AGBL4: variants seen among roughly 807,000 people sequenced by gnomAD.
AGBL4 encodes AGBL carboxypeptidase 4.
In AGBL4, 58 loss-of-function variants were observed where a neutral mutation model predicts 66.4. The ratio of observed to expected loss-of-function variants is 0.87; its 90% CI spans 0.71 to 1.09. The LOEUF is 1.09. Among genes scored for constraint, AGBL4 ranks in the 50% least tolerant of loss-of-function variants. The pLI, the probability that AGBL4 is intolerant of heterozygous loss-of-function variation, is 0.00. For missense variants in AGBL4, 579 were observed against 631.0 expected, an observed-to-expected ratio of 0.92 and a Z score of 0.88; for synonymous variants, 234 against 222.9, an observed-to-expected ratio of 1.05 and a Z score of -0.44.
chr1:49,274,840 A>G (rs1644136326), intron 3 of AGBL4, among the ~76,000 whole-genome samples: 1 of 152,154 alleles, frequency 6.6e-6, no homozygotes, highest in Non-Finnish European at 1.5e-5. Context: ...AAGGACTCAA[A>G]TGATTTTTAT....
chr1:49,731,891 GATTTGA>G (rs1649483294), intron 2 of AGBL4, among the ~76,000 whole-genome samples: 1 of 152,122 alleles, frequency 6.6e-6, no homozygotes, highest in Admixed American at 6.6e-5. Flanking sequence ...ATCAGAGAAG[GATTTGA>G]ATTTGAAAAC....
At chr1:49,302,205 A>G (rs151127810) in intron 3 of AGBL4, among the ~76,000 whole-genome samples, 1 of 151,556 alleles carries the variant, frequency 6.6e-6, no homozygotes, top group Admixed American at 6.6e-5. Flanking sequence ...TAAAAAAAAA[A>G]CTCTTGAAAT....
chr1:49,385,035 T>C (rs912141689), intron 3 of AGBL4, among the ~76,000 whole-genome samples: 6 of 152,214 alleles, frequency 3.9e-5, no homozygotes, highest in African/African-American at 9.6e-5. Flanking sequence ...GACATTCCGT[T>C]AAGTGAAATA....
chr1:49,878,573 C>G lies in AGBL4; in HGVS notation c.35-27055G>C, dbSNP rs1168414203. On this transcript the variant is annotated intron_variant, in intron 1 of 13. Transcript: ENST00000371839. ...TTTACATTTGCTGAGGAGTGCTTTACCTCCAACTATGTGGTCAATTTTGGA... is the reference window on the plus strand; with the variant it reads ...TTTACATTTGCTGAGGAGTGCTTTAGCTCCAACTATGTGGTCAATTTTGGA... 2.0e-5 allele frequency among the ~76,000 whole-genome samples: 3 copies of G among 152,016 alleles called. No homozygotes were observed. In the East Asian group the frequency reaches 5.8e-4, roughly 29 times the overall value.
At chr1:48,595,440 CT>C (rs954678754) in intron 9 of AGBL4, among the ~76,000 whole-genome samples, 2 of 152,204 alleles carry the variant, frequency 1.3e-5, no homozygotes, top group African/African-American at 4.8e-5. Flanking sequence ...AAACCAGGTA[CT>C]TTTCTGTGGC....
At chr1:48,879,341 C>CAATGAA (rs1649536749) in intron 5 of AGBL4, among the ~76,000 whole-genome samples, 3 of 151,932 alleles carry the variant, frequency 2.0e-5, no homozygotes, top group African/African-American at 7.3e-5. Flanking sequence ...AAGTAGCACG[C>CAATGAA]AATGAAAAAG....
chr1:48,567,135 A>G (rs899408710), intron 11 of AGBL4, among the ~76,000 whole-genome samples: 6 of 152,132 alleles, frequency 3.9e-5, no homozygotes, highest in Admixed American at 6.6e-5. Context: ...TTGTTTTCTA[A>G]TGTATATAAT....
chr1:49,493,827 G>T (rs1647288907), intron 3 of AGBL4, among the ~76,000 whole-genome samples: 1 of 151,964 alleles, frequency 6.6e-6, no homozygotes, highest in Non-Finnish European at 1.5e-5. Context: ...GTTCTCTCTA[G>T]TAAGTAAATA....
chr1:48,777,349 T>C (rs1051174006), intron 6 of AGBL4, among the ~76,000 whole-genome samples: 31 of 152,172 alleles, frequency 2.0e-4, no homozygotes, highest in African/African-American at 6.7e-4. Flanking sequence ...GGGGGCAATC[T>C]TGATTGAATC....
At chr1:49,008,841 C>A (rs1662105670) in intron 5 of AGBL4, among the ~76,000 whole-genome samples, 1 of 151,778 alleles carries the variant, frequency 6.6e-6, no homozygotes. Context: ...AGAACAAAGA[C>A]ACAACATACC....
intron 4 of AGBL4, among the ~76,000 whole-genome samples, chr1:49,187,015 T>G (rs1010212430): frequency 6.6e-6 from 1 of 152,180 alleles, no homozygotes; most frequent in Non-Finnish European, 1.5e-5. Context: ...CCAAATTTCT[T>G]TGGCATAGAT....
chr1:49,143,929 A>G (rs1230618611), intron 4 of AGBL4, among the ~76,000 whole-genome samples: 9 of 152,168 alleles, frequency 5.9e-5, no homozygotes, highest in South Asian at 2.1e-4. Flanking sequence ...AATAGCCCCA[A>G]TGCTATTGAG....
chr1:48,586,958 C>T lies in AGBL4; in HGVS notation c.1267+46G>A, dbSNP rs77301668. 1.1e-3 allele frequency: 1,720 copies of T among 1,605,454 alleles called. 11 individuals are homozygous for T. The African/African-American group carries it at 0.017, about 16-fold the overall frequency. ...CTGACCTGTCAGACTTGGATACTCT[C>T]GGCTGGATGAGGGCTGGCCCAAGGC... On this transcript the variant is annotated intron_variant, in intron 11 of 13. Coordinates refer to ENST00000371839, the MANE Select transcript of AGBL4 (RefSeq NM_032785.4).
intron 4 of AGBL4, among the ~76,000 whole-genome samples, chr1:49,118,551 C>T (rs1457786932): frequency 6.6e-6 from 1 of 152,148 alleles, no homozygotes; most frequent in African/African-American, 2.4e-5. Context: ...ATGAAGCTGA[C>T]TTGATTGTGG....
At chr1:49,916,238 G>T (rs1270470828) in intron 1 of AGBL4, among the ~76,000 whole-genome samples, 2 of 152,340 alleles carry the variant, frequency 1.3e-5, no homozygotes, top group African/African-American at 4.8e-5. Context: ...GATGGAGAAT[G>T]ACTTTGATGA....
intron 5 of AGBL4, among the ~76,000 whole-genome samples, chr1:48,958,635 T>A (rs565422845): frequency 1.3e-5 from 2 of 152,176 alleles, no homozygotes; most frequent in Non-Finnish European, 2.9e-5. Context: ...AGTTTTGGAG[T>A]GCCTTTCTTG....
rs1310260378 is a variant in AGBL4, at chr1:49,562,058, GTGA to G, written c.282+135252_282+135254del. On this transcript the variant is annotated intron_variant, in intron 3 of 13. Transcript: ENST00000371839. ...TTGATTTGCATTTCTCTGATGGCCA[GTGA>G]TGATGAGCATTTTTTCAGGTGTTTT... is the stretch of plus-strand genomic sequence containing the variant. Among the ~76,000 whole-genome samples the G allele has an allele frequency of 3.6e-4, 55 of 152,286 alleles. 1 individual carries two copies. Among genetic ancestry groups the G allele is most frequent in the Admixed American group, 3.5e-3 (54 of 15,282 alleles).
rs146313715 is a variant in AGBL4 at position 49,248,896 on chromosome 1, C to T, written c.283-3032G>A. On this transcript the variant is annotated intron_variant, in intron 3 of 13. Transcript: ENST00000371839. Reference sequence around the variant, plus strand: ...ACCTGAGCTTCTTGTTTCAGTAATACGGTGCTCTATATCAGAGCTCTGTAA... The same window carrying T: ...ACCTGAGCTTCTTGTTTCAGTAATATGGTGCTCTATATCAGAGCTCTGTAA... Among the ~76,000 whole-genome samples, 274 of 152,060 alleles carry T rather than the reference C, an allele frequency of 1.8e-3. 4 individuals carry two copies. The highest frequency in any genetic ancestry group is 5.7e-3 in the African/African-American group (238 of 41,486).
chr1:49,758,235 T>C (rs547858825), intron 2 of AGBL4, among the ~76,000 whole-genome samples: 1 of 152,238 alleles, frequency 6.6e-6, no homozygotes, highest in Admixed American at 6.5e-5. Context: ...AGAGGATGTA[T>C]GGAAACACCT....
Sources: allele counts gnomAD v4.1 joint callset (sites outside exome capture counted in the v4.1 genomes callset), GRCh38; gene constraint gnomAD v4.1.1; transcripts MANE v1.5; gene names NCBI Gene and HGNC (gene_info 2026-07-23, HGNC 2026-07-21).